Variants in RNF138 observed in about 807,000 individuals in gnomAD.
The protein encoded by RNF138 is E3 ubiquitin-protein ligase RNF138.
RNF138 carries 12 observed loss-of-function variants against 31.0 expected under a neutral mutation model. The observed-to-expected ratio is 0.39, with a 90% CI of 0.25 to 0.63. The LOEUF is 0.63. Ranked by LOEUF, RNF138 falls within the 20% of genes least tolerant of loss-of-function variation. The pLI is 0.52. For synonymous variants in RNF138, 105 were observed against 99.5 expected (o/e 1.06, Z -0.33); for missense variants, 192 against 300.1 (o/e 0.64, Z 2.66).
At chr18:32,104,264 C>T (rs373951915) in intron 2 of RNF138, among the ~76,000 whole-genome samples, 10 of 151,988 alleles carry the variant, frequency 6.6e-5, no homozygotes, top group South Asian at 4.2e-4. Flanking sequence ...CCCCCCACTT[C>T]GGCGTCCCAA....
intron 4 of RNF138, among the ~76,000 whole-genome samples, chr18:32,119,222 A>C (rs2040264548): frequency 6.6e-6 from 1 of 152,082 alleles, no homozygotes; most frequent in East Asian, 1.9e-4. Flanking sequence ...GGGCAGTAGG[A>C]GGTGATCCAT....
At chr18:32,104,738 C>G (rs1405835110) in intron 2 of RNF138, among the ~76,000 whole-genome samples, 5 of 152,182 alleles carry the variant, frequency 3.3e-5, no homozygotes, top group Middle Eastern at 6.8e-3. Context: ...AAGAAAATTA[C>G]AAAACTTTAT....
chr18:32,110,947 A>AT (rs2040117968), intron 2 of RNF138, among the ~76,000 whole-genome samples: 1 of 151,972 alleles, frequency 6.6e-6, no homozygotes, highest in Non-Finnish European at 1.5e-5. Context: ...CGCCCGGCTA[A>AT]TTTTTTATAT....
At chr18:32,098,415 T>C (rs1384217976) in intron 2 of RNF138, among the ~76,000 whole-genome samples, 1 of 152,180 alleles carries the variant, frequency 6.6e-6, no homozygotes, top group East Asian at 1.9e-4. Flanking sequence ...TCCTGAGTAG[T>C]GGGGACTACA....
intron 2 of RNF138, among the ~76,000 whole-genome samples, chr18:32,097,655 G>T (rs903175355): frequency 6.6e-6 from 1 of 151,806 alleles, no homozygotes; most frequent in Non-Finnish European, 1.5e-5. Flanking sequence ...CTACAGGCAT[G>T]CACCACCATG....
chr18:32,110,181 C>T (rs1036255623), intron 2 of RNF138, among the ~76,000 whole-genome samples: 1 of 152,096 alleles, frequency 6.6e-6, no homozygotes, highest in South Asian at 2.1e-4. Flanking sequence ...TTTGTAGAGA[C>T]AGGGTCTTGC....
intron 2 of RNF138, among the ~76,000 whole-genome samples, chr18:32,108,951 A>G (rs2040080681): frequency 6.6e-6 from 1 of 152,078 alleles, no homozygotes; most frequent in African/African-American, 2.4e-5. Context: ...TATAGGCATA[A>G]GCCACTGCCC....
intron 2 of RNF138, among the ~76,000 whole-genome samples, chr18:32,100,977 A>T (rs539753827): frequency 6.6e-6 from 1 of 152,328 alleles, no homozygotes; most frequent in Admixed American, 6.5e-5. Flanking sequence ...TCGAGAGAGT[A>T]TAAGAGAGGG....
At chr18:32,106,275 G>T (rs2040026468) in intron 2 of RNF138, among the ~76,000 whole-genome samples, 1 of 152,152 alleles carries the variant, frequency 6.6e-6, no homozygotes, top group Non-Finnish European at 1.5e-5. Flanking sequence ...ATAAGTTTTA[G>T]TGTGCGGGTA....
At chr18:32,112,659 G>A (rs1468056684) in intron 3 of RNF138, among the ~76,000 whole-genome samples, 2 of 151,884 alleles carry the variant, frequency 1.3e-5, no homozygotes, top group Non-Finnish European at 2.9e-5. Context: ...TCCAAACTGG[G>A]CAACAAGAGC....
chr18:32,117,477 T>TA (rs964478518), intron 4 of RNF138, among the ~76,000 whole-genome samples: 1 of 152,094 alleles, frequency 6.6e-6, no homozygotes, highest in Admixed American at 6.5e-5. Context: ...TGGAAATTCT[T>TA]AAAGTGGCAT....
chr18:32,109,719 T>G (rs1411609632), intron 2 of RNF138, among the ~76,000 whole-genome samples: 4 of 152,130 alleles, frequency 2.6e-5, no homozygotes, highest in African/African-American at 9.7e-5. Flanking sequence ...AAATCCCATC[T>G]CTACAAAAAG....
chr18:32,094,814 A>G (rs905190821), intron 2 of RNF138, among the ~76,000 whole-genome samples: 1 of 152,082 alleles, frequency 6.6e-6, no homozygotes, highest in African/African-American at 2.4e-5. Context: ...TCTTTTTTGG[A>G]TAGAATCATT....
At chr18:32,113,376 T>A (rs559574674) in intron 3 of RNF138, among the ~76,000 whole-genome samples, 30 of 147,714 alleles carry the variant, frequency 2.0e-4, no homozygotes, top group Non-Finnish European at 3.8e-4. Context: ...AATTTTTTTT[T>A]AAGTGCTTTC....
chr18:32,120,575 A>G (rs2040287840), intron 4 of RNF138, among the ~76,000 whole-genome samples: 1 of 152,192 alleles, frequency 6.6e-6, no homozygotes, highest in Admixed American at 6.5e-5. Flanking sequence ...GCTGTCAGTA[A>G]TTGATTTTCT....
Position 32,124,796 on chromosome 18 carries a change from G to A in RNF138, c.512G>A (p.Arg171His), listed in dbSNP as rs554701391. The change falls in exon 6 of 8, where the codon CGT (arginine) becomes CAT (histidine). Residue 171 changes from arginine (R) to histidine (H), a missense_variant. Transcript: ENST00000261593. ...LCQESNFTRQ[R>H]LLDHCNSNHL... is the part of the protein sequence containing the mutation. The stretch of plus-strand genomic sequence containing the variant: ...CAAGAATCAAATTTTACCAGACAGC[G>A]TTTACTGGATCACTGTAACAGTAAT... The A allele has an allele frequency of 7.8e-5, 126 of 1,605,252 alleles. No individual in the cohort carries two copies. Among genetic ancestry groups the A allele is most frequent in the South Asian group, 7.7e-4 (70 of 90,914 alleles).
At chr18:32,112,623 G>A (rs776321463) in intron 3 of RNF138, among the ~76,000 whole-genome samples, 2 of 152,144 alleles carry the variant, frequency 1.3e-5, no homozygotes, top group African/African-American at 2.4e-5. Flanking sequence ...CAGAGGTTGC[G>A]GTGAGCTGAG....
In RNF138 at chr18:32,097,487, A is replaced by G. The variant is rs954742904; in HGVS notation, c.110+4601A>G. 2.0e-5 allele frequency among the ~76,000 whole-genome samples: 3 copies of G among 152,112 alleles called. No individual in the cohort carries two copies. In the East Asian group the frequency reaches 5.8e-4, roughly 29 times the overall value. On this transcript the variant is annotated intron_variant, in intron 2 of 7. Transcript: ENST00000261593. ...TAATCCTTAATTTTAAAACAATTTT[A>G]AATTAATTATTTATTTTTGAGACCG...
In RNF138 at chr18:32,130,598, C is replaced by T. The variant is rs1197012701; in HGVS notation, c.*1411C>T. On this transcript the variant is annotated 3_prime_UTR_variant, in exon 8 of 8. Transcript: ENST00000261593. ...GAAAGAGAATCTCAGAAGTAGTTTG[C>T]TGCTAATATATACATATATTGTATA... 1.3e-5 allele frequency: 2 copies of T among 152,318 alleles called. No individual in the cohort carries two copies. The highest frequency in any genetic ancestry group is 4.8e-5 in the African/African-American group (2 of 41,402). 9.4% of individuals were successfully genotyped at this position (152,318 alleles called of 1,614,324 possible). A position where few individuals can be genotyped will look rare whatever the true frequency, so the allele number is the denominator to read the frequency against.
Sources: gnomAD v4.1 joint callset for allele counts (sites outside exome capture counted in the v4.1 genomes callset) on GRCh38, gnomAD v4.1.1 for gene constraint, MANE v1.5 for transcripts, NCBI Gene and HGNC (gene_info 2026-07-23, HGNC 2026-07-21) for gene names.